INPP4B: variants seen among roughly 807,000 people sequenced by gnomAD.
INPP4B encodes the protein inositol polyphosphate-4-phosphatase type II B, also known as inositol polyphosphate 4-phosphatase type II.
INPP4B carries 55 observed loss-of-function variants against 122.5 expected under a neutral mutation model. That is an observed-to-expected ratio of 0.45 (90% CI 0.36 to 0.56). The LOEUF is 0.56. Ranked by LOEUF, INPP4B falls within the 20% of genes least tolerant of loss-of-function variation. The pLI, the probability that INPP4B is intolerant of heterozygous loss-of-function variation, is 0.00. For synonymous variants in INPP4B, 403 were observed against 388.7 expected (o/e 1.04, Z -0.43); for missense variants, 1,000 against 1,097.7 (o/e 0.91, Z 1.26).
In INPP4B at chr4:142,689,016, T is replaced by C. The variant is rs532287830; in HGVS notation, c.-191+36823A>G. Among the ~76,000 whole-genome samples, 153 of 152,136 alleles carry C rather than the reference T, an allele frequency of 1.0e-3. 3 individuals carry two copies. In the South Asian group the frequency reaches 0.031, roughly 31 times the overall value. On this transcript the variant is annotated intron_variant, in intron 2 of 25. Coordinates refer to ENST00000262992, the MANE Select transcript of INPP4B (RefSeq NM_001101669.3). ...CTGATCCGACCAATAGCGCTCCCCATTTTCTAACCCCCTATCCACCAAATT... is the reference window on the plus strand; with the variant it reads ...CTGATCCGACCAATAGCGCTCCCCACTTTCTAACCCCCTATCCACCAAATT...
chr4:142,385,312 G>A (rs907309691), intron 7 of INPP4B, among the ~76,000 whole-genome samples: 2 of 151,720 alleles, frequency 1.3e-5, no homozygotes, highest in Non-Finnish European at 2.9e-5. Context: ...TGACTGGTGT[G>A]AGATGGTATC....
At chr4:142,264,375 G>T (rs978358526) in intron 10 of INPP4B, among the ~76,000 whole-genome samples, 6 of 152,130 alleles carry the variant, frequency 3.9e-5, no homozygotes, top group African/African-American at 1.4e-4. Flanking sequence ...AGGAGTCAAA[G>T]GTGACTCCAA....
At chr4:142,653,140 T>C (rs1753378385) in intron 2 of INPP4B, among the ~76,000 whole-genome samples, 1 of 152,148 alleles carries the variant, frequency 6.6e-6, no homozygotes, top group African/African-American at 2.4e-5. Flanking sequence ...CCCCTATTAA[T>C]AAATGGTGCT....
At chr4:142,116,899 A>G (rs1283008338) in intron 21 of INPP4B, among the ~76,000 whole-genome samples, 1 of 152,172 alleles carries the variant, frequency 6.6e-6, no homozygotes, top group Non-Finnish European at 1.5e-5. Flanking sequence ...GATCAACAAT[A>G]TTGACAGACC....
At chr4:142,216,249 T>C (rs1023204209) in intron 12 of INPP4B, among the ~76,000 whole-genome samples, 1 of 152,116 alleles carries the variant, frequency 6.6e-6, no homozygotes, top group Non-Finnish European at 1.5e-5. Context: ...CCAAAACAAA[T>C]CTTCTAACCT....
chr4:142,416,029 G>T (rs1400622985), intron 5 of INPP4B, among the ~76,000 whole-genome samples: 2 of 151,966 alleles, frequency 1.3e-5, no homozygotes, highest in Admixed American at 1.3e-4. Flanking sequence ...GGGAGGGATA[G>T]CATTAGGAGA....
chr4:142,207,088 T>A (rs1842889175), intron 14 of INPP4B, among the ~76,000 whole-genome samples: 1 of 152,144 alleles, frequency 6.6e-6, no homozygotes, highest in Non-Finnish European at 1.5e-5. Flanking sequence ...TCACTTAGCA[T>A]AATATCCTCC....
At chr4:142,674,982 G>T (rs534276793) in intron 2 of INPP4B, among the ~76,000 whole-genome samples, 1 of 152,234 alleles carries the variant, frequency 6.6e-6, no homozygotes, top group Admixed American at 6.5e-5. Flanking sequence ...TCAAAAGCTA[G>T]TGGAAGACAA....
intron 9 of INPP4B, among the ~76,000 whole-genome samples, chr4:142,285,321 G>A (rs1193340877): frequency 6.6e-6 from 1 of 151,794 alleles, no homozygotes; most frequent in Non-Finnish European, 1.5e-5. Context: ...GAGACAGAGT[G>A]CACCCCAAGT....
chr4:142,734,679 C>CT (rs1561010764), intron 1 of INPP4B, among the ~76,000 whole-genome samples: 1 of 152,116 alleles, frequency 6.6e-6, no homozygotes, highest in Non-Finnish European at 1.5e-5. Flanking sequence ...GAGTTTCACC[C>CT]TTGTTGCCCA....
intron 2 of INPP4B, among the ~76,000 whole-genome samples, chr4:142,529,237 C>A (rs1323718080): frequency 6.6e-6 from 1 of 152,200 alleles, no homozygotes; most frequent in African/African-American, 2.4e-5. Flanking sequence ...TCAGATTCTA[C>A]ATTGCTATTA....
At chr4:142,746,506 G>C (rs964953687) in intron 1 of INPP4B, among the ~76,000 whole-genome samples, 2 of 152,020 alleles carry the variant, frequency 1.3e-5, no homozygotes, top group African/African-American at 4.8e-5. Flanking sequence ...TTTCTTCACA[G>C]AATGAGAAAA....
At chr4:142,106,554 T>G (rs1327893294) in intron 23 of INPP4B, among the ~76,000 whole-genome samples, 1 of 152,248 alleles carries the variant, frequency 6.6e-6, no homozygotes, top group Non-Finnish European at 1.5e-5. Context: ...TAGAATTATT[T>G]TGTATTTCAA....
intron 7 of INPP4B, among the ~76,000 whole-genome samples, chr4:142,337,522 TTAA>T (rs1240781041): frequency 6.6e-6 from 1 of 151,248 alleles, no homozygotes; most frequent in Non-Finnish European, 1.5e-5. Context: ...GTATTATTAA[TTAA>T]TAATTATCTG....
intron 2 of INPP4B, among the ~76,000 whole-genome samples, chr4:142,587,435 A>G (rs1169362379): frequency 3.9e-5 from 6 of 152,100 alleles, no homozygotes; most frequent in Non-Finnish European, 8.8e-5. Flanking sequence ...AAAAAATTGA[A>G]TCAATAATTA....
At chr4:142,208,612 T>C (rs1843541022) in intron 13 of INPP4B, 83 bp from the exon 14 acceptor site, 1 of 718,566 alleles carries the variant, frequency 1.4e-6, no homozygotes, top group Non-Finnish European at 2.2e-6. Flanking sequence ...GACAGAAAAA[T>C]GTTAAAATAA....
chr4:142,813,097 T>TTCCAC (rs1436227980), intron 1 of INPP4B, among the ~76,000 whole-genome samples: 3 of 152,284 alleles, frequency 2.0e-5, no homozygotes, highest in Non-Finnish European at 4.4e-5. Context: ...AAGGAATTTC[T>TTCCAC]TCCACTCCAT....
intron 1 of INPP4B, among the ~76,000 whole-genome samples, chr4:142,749,903 G>A (rs1015761938): frequency 1.3e-5 from 2 of 151,764 alleles, no homozygotes; most frequent in African/African-American, 4.8e-5. Context: ...TCCCAAATCA[G>A]AGCCACACAA....
chr4:142,030,461 G>C (rs1163665369), intron 25 of INPP4B, among the ~76,000 whole-genome samples: 1 of 152,148 alleles, frequency 6.6e-6, no homozygotes, highest in Non-Finnish European at 1.5e-5. Context: ...AATGCATCTT[G>C]TGTATTGTTT....
Sources: gnomAD v4.1 joint callset for allele counts (sites outside exome capture counted in the v4.1 genomes callset) on GRCh38, gnomAD v4.1.1 for gene constraint, MANE v1.5 for transcripts, NCBI Gene and HGNC (gene_info 2026-07-23, HGNC 2026-07-21) for gene names.